Variants in UFM1 observed in about 807,000 individuals in gnomAD.
UFM1 encodes the protein ubiquitin-fold modifier 1.
In UFM1, 9 loss-of-function variants were observed where a neutral mutation model predicts 15.4. That is an observed-to-expected ratio of 0.59 (90% CI 0.35 to 1.02). The LOEUF is 1.02. Among genes scored for constraint, UFM1 ranks in the 50% least tolerant of loss-of-function variants. The pLI is 0.02. For synonymous variants in UFM1, 27 were observed against 36.3 expected (o/e 0.74, Z 0.92); for missense variants, 98 against 104.7 (o/e 0.94, Z 0.28).
At chr13:38,355,881 C>G (rs1404275203) in intron 3 of UFM1, among the ~76,000 whole-genome samples, 1 of 151,762 alleles carries the variant, frequency 6.6e-6, no homozygotes, top group Non-Finnish European at 1.5e-5. Context: ...AAGCAAGAGT[C>G]TGGATTTAAA....
intron 2 of UFM1, 88 bp downstream of exon 2, chr13:38,350,143 C>T: frequency 6.2e-7 from 1 of 1,614,040 alleles, no homozygotes; most frequent in Non-Finnish European, 8.5e-7. Context: ...ACAACTACCC[C>T]ACGCAGTCTT....
Position 38,354,245 on chromosome 13 carries a change from T to C in UFM1, c.66T>C (p.Ser22=), listed in dbSNP as rs1420145921. The change falls in exon 3 of 6, where the codon AGT becomes AGC. Residue 22 remains serine, a synonymous_variant. Transcript: ENST00000239878. ...TTTAAAATTCTTCTTGCAGACTCAG[T>C]GTTCCTGAAAGTACACCTTTCACAG... is the stretch of plus-strand genomic sequence containing the variant. ...SDPRLPYKVL[S]VPESTPFTAV... is the part of the protein sequence containing the mutation. The C allele has an allele frequency of 1.2e-6, 2 of 1,609,446 alleles. No individual in the cohort carries two copies. The highest frequency in any genetic ancestry group is 2.2e-5 in the South Asian group (2 of 90,534).
chr13:38,357,356 T>G (rs1327734731), intron 3 of UFM1, among the ~76,000 whole-genome samples: 1 of 151,932 alleles, frequency 6.6e-6, no homozygotes, highest in Non-Finnish European at 1.5e-5. Context: ...TCAAGAGAAT[T>G]ATAAATGACA....
chr13:38,356,484 C>T (rs1161271161), intron 3 of UFM1, among the ~76,000 whole-genome samples: 2 of 151,312 alleles, frequency 1.3e-5, no homozygotes, highest in Non-Finnish European at 3.0e-5. Flanking sequence ...AAGAGTGTAC[C>T]ACATTGAGAT....
chr13:38,351,320 C>A (rs1373350357), intron 2 of UFM1, among the ~76,000 whole-genome samples: 1 of 152,186 alleles, frequency 6.6e-6, no homozygotes, highest in Admixed American at 6.5e-5. Context: ...AAATTCATGA[C>A]TACAATTAAT....
chr13:38,357,050 C>T (rs1203860508), intron 3 of UFM1, among the ~76,000 whole-genome samples: 1 of 151,880 alleles, frequency 6.6e-6, no homozygotes, highest in Admixed American at 6.6e-5. Flanking sequence ...TGAAATAGAT[C>T]AGGGGAGGCT....
At position 38,349,882 on chromosome 13, in the gene UFM1, G is replaced by T. The variant is rs771558760; in HGVS notation, c.-38G>T. ...CTAGAGGAAGTCGTGCTACCCCCGCGGAGTTGTCGTGTGTTCTGGATTCAT... is the reference window on the plus strand; with the variant it reads ...CTAGAGGAAGTCGTGCTACCCCCGCTGAGTTGTCGTGTGTTCTGGATTCAT... On this transcript the variant is annotated 5_prime_UTR_variant, in exon 1 of 6. Coordinates refer to ENST00000239878, the MANE Select transcript of UFM1 (RefSeq NM_016617.4). 3.1e-6 allele frequency: 5 copies of T among 1,613,994 alleles called. No homozygotes were observed. Among genetic ancestry groups the T allele is most frequent in the Non-Finnish European group, 4.2e-6 (5 of 1,180,038 alleles).
At chr13:38,350,341 G>A in intron 2 of UFM1, 1 of 1,126,184 alleles carries the variant, frequency 8.9e-7, no homozygotes, top group Non-Finnish European at 1.3e-6. Context: ...CAGGTGGCGC[G>A]GGAGGACAGG....
In UFM1 at chr13:38,363,058, G is replaced by A. The variant is rs1339742234; in HGVS notation, c.*2280G>A. The A allele has an allele frequency of 6.6e-6, 1 of 152,006 alleles. No individual in the cohort carries two copies. The highest frequency in any genetic ancestry group is 1.5e-5 in the Non-Finnish European group (1 of 68,006). The allele number at this position is 152,006 out of a possible 1,614,324, so 9.4% of individuals were successfully genotyped here. On this transcript the variant is annotated 3_prime_UTR_variant, in exon 6 of 6. Coordinates refer to ENST00000239878, the MANE Select transcript of UFM1 (RefSeq NM_016617.4). ...CTTAATCAGCACACCTTTTGAGTCAGTATATAATACATGTAGTAAAGAAAA... is the reference window on the plus strand; with the variant it reads ...CTTAATCAGCACACCTTTTGAGTCAATATATAATACATGTAGTAAAGAAAA...
intron 2 of UFM1, among the ~76,000 whole-genome samples, chr13:38,351,811 CTG>C (rs925627578): frequency 5.3e-5 from 8 of 152,078 alleles, no homozygotes; most frequent in African/African-American, 1.9e-4. Context: ...GTAGGTACAA[CTG>C]TTGTTTAGTA....
intron 2 of UFM1, 117 bp downstream of exon 2, chr13:38,350,172 A>C (rs763813597): frequency 1.2e-6 from 2 of 1,613,786 alleles, no homozygotes; most frequent in Admixed American, 3.3e-5. Flanking sequence ...CACTTCATCT[A>C]CTTTCCTGGC....
chr13:38,354,843 T>C (rs1879024958), intron 3 of UFM1: 1 of 152,030 alleles, frequency 6.6e-6, no homozygotes, highest in Non-Finnish European at 1.5e-5. Flanking sequence ...GACATGACAC[T>C]TGAAAAAGTA....
At chr13:38,359,369 G>A (rs1420243614) in intron 5 of UFM1, 36 bp downstream of exon 5, 1 of 1,605,778 alleles carries the variant, frequency 6.2e-7, no homozygotes, top group Non-Finnish European at 8.5e-7. Context: ...AGTGGGTGGG[G>A]TTATATATGT....
At chr13:38,356,218 A>C (rs1015501657) in intron 3 of UFM1, among the ~76,000 whole-genome samples, 9 of 151,930 alleles carry the variant, frequency 5.9e-5, no homozygotes, top group African/African-American at 2.2e-4. Flanking sequence ...ATAGGTTGCT[A>C]CTACATGGAT....
chr13:38,350,308 C>T, intron 2 of UFM1: 1 of 1,420,914 alleles, frequency 7.0e-7, no homozygotes, highest in East Asian at 2.5e-5. Context: ...TTAGTGACCT[C>T]CCCTCGGAAT....
At position 38,361,399 on chromosome 13, in the gene UFM1, T is replaced by C. The variant is rs1879380007; in HGVS notation, c.*621T>C. On this transcript the variant is annotated 3_prime_UTR_variant, in exon 6 of 6. Coordinates refer to ENST00000239878, the MANE Select transcript of UFM1 (RefSeq NM_016617.4). ...CTTATGTGTATAAATTGGTGTCCCA[T>C]ACCAGCTTTTAATGGTGGACCTATA... The C allele has an allele frequency of 6.6e-6, 1 of 152,208 alleles. No individual in the cohort carries two copies. 9.4% of individuals were successfully genotyped at this position (152,208 alleles called of 1,614,324 possible).
At position 38,362,044 on chromosome 13, in the gene UFM1, G is replaced by A. The variant is rs1879422009; in HGVS notation, c.*1266G>A. On this transcript the variant is annotated 3_prime_UTR_variant, in exon 6 of 6. Coordinates refer to ENST00000239878, the MANE Select transcript of UFM1 (RefSeq NM_016617.4). Reference sequence around the variant, plus strand: ...TTATTTGCCCTTCCGGAAGAAATCAGTATCTATGCAAATCTTGAAAGACGA... The same window carrying A: ...TTATTTGCCCTTCCGGAAGAAATCAATATCTATGCAAATCTTGAAAGACGA... 6.6e-6 allele frequency: 1 copy of A among 152,156 alleles called. No individual in the cohort carries two copies. 9.4% of individuals were successfully genotyped at this position (152,156 alleles called of 1,614,324 possible). A position where few individuals can be genotyped will look rare whatever the true frequency, so the allele number is the denominator to read the frequency against.
Position 38,358,102 on chromosome 13 carries a change from C to A in UFM1, c.127C>A (p.Pro43Thr). 1 of 1,403,782 alleles carries A rather than the reference C, an allele frequency of 7.1e-7. No individual in the cohort carries two copies. 87.0% of individuals were successfully genotyped at this position (1,403,782 alleles called of 1,614,324 possible). A position where few individuals can be genotyped will look rare whatever the true frequency, so the allele number is the denominator to read the frequency against. ...LKFAAEEFKVPAATSAIITND... is the reference protein window; with the variant it reads ...LKFAAEEFKVTAATSAIITND... The stretch of plus-strand genomic sequence containing the variant: ...TTTTCCTTCTATTTAGTTTAAAGTT[C>A]CTGCTGCAACAAGTGCAATTATTAC... Residue 43 changes from proline (P) to threonine (T), a missense_variant, in exon 4 of 6, where the codon CCT becomes ACT. Physicochemically the swap from Pro to Thr is conservative, Grantham distance 38 (BLOSUM62 -1). Coordinates refer to ENST00000239878, the MANE Select transcript of UFM1 (RefSeq NM_016617.4).
Position 38,354,603 on chromosome 13 carries a change from TC to T in UFM1, c.117+308del, listed in dbSNP as rs1325182085. On this transcript the variant is annotated intron_variant, in intron 3 of 5. Transcript: ENST00000239878. ...ATGTTTTTTAAAATGCAACATTATATCACATTATATTCTATATACTCATATT... is the reference window on the plus strand; with the variant it reads ...ATGTTTTTTAAAATGCAACATTATATACATTATATTCTATATACTCATATT... 2.2e-5 allele frequency: 5 copies of T among 231,130 alleles called. No homozygotes were observed. The East Asian group carries it at 4.4e-4, about 20-fold the overall frequency. 14.3% of individuals were successfully genotyped at this position (231,130 alleles called of 1,614,324 possible).
Sources: gnomAD v4.1 joint callset for allele counts (sites outside exome capture counted in the v4.1 genomes callset) on GRCh38, gnomAD v4.1.1 for gene constraint, MANE v1.5 for transcripts, NCBI Gene and HGNC (gene_info 2026-07-23, HGNC 2026-07-21) for gene names.